The following PTCH2 variants were observed in gnomAD, a reference collection of about 807,000 sequenced individuals.
PTCH2 encodes the protein protein patched homolog 2.
Under a neutral mutation model 117.9 loss-of-function variants are expected in PTCH2, and 96 were observed. The ratio of observed to expected loss-of-function variants is 0.81; its 90% CI spans 0.69 to 0.96. PTCH2 has a LOEUF of 0.96. Among genes scored for constraint, PTCH2 ranks in the 50% least tolerant of loss-of-function variants. The pLI is 0.00. For synonymous variants in PTCH2, 615 were observed against 660.9 expected (o/e 0.93, Z 1.06); for missense variants, 1,379 against 1,562.5 (o/e 0.88, Z 1.98).
At chr1:44,827,138 C>T (rs751169220) in intron 16 of PTCH2, 29 bp downstream of exon 16, 25 of 1,613,920 alleles carry the variant, frequency 1.5e-5, no homozygotes, top group Non-Finnish European at 2.1e-5. Context: ...AGCCCCTGTA[C>T]TAGTGGACCC....
In PTCH2 at chr1:44,827,545, G is replaced by C. The variant is rs1653217251; in HGVS notation, c.2228C>G (p.Thr743Ser). 3 of 1,614,128 alleles carry C rather than the reference G, an allele frequency of 1.9e-6. No individual in the cohort carries two copies. The highest frequency in any genetic ancestry group is 2.5e-6 in the Non-Finnish European group (3 of 1,180,020). Residue 743 changes from threonine to serine, a missense_variant, in exon 15 of 22, where the codon ACC (threonine) becomes AGC (serine). Transcript: ENST00000372192. ...GTGGGCGTAGTCAAAGCCACCCTGG[G>C]TCACCAGGGCCACCTCGTACAGGGA... ...YFSLYEVALV[T>S]QGGFDYAHSQ... is the part of the protein sequence containing the mutation.
In PTCH2 at chr1:44,823,089, T is replaced by C; in HGVS notation, c.3337A>G (p.Ile1113Val). The change falls in exon 21 of 22, where the codon ATC (isoleucine) becomes GTC (valine). Residue 1113 changes from isoleucine to valine, a missense_variant. Ile to Val is a conservative substitution (Grantham distance 29, BLOSUM62 3). Coordinates refer to ENST00000372192, the MANE Select transcript of PTCH2 (RefSeq NM_003738.5). The surrounding 1 kb of genome is among the most constrained non-coding windows in gnomAD (Gnocchi z 5.1). ...GLVLLPVLLS[I>V]LGPPPEVIQM... Reference sequence around the variant, plus strand: ...GTCACCTCTGGCGGCGGGCCCAGGATGGACAGCAGCACAGGCAGCAGCACG... The same window carrying C: ...GTCACCTCTGGCGGCGGGCCCAGGACGGACAGCAGCACAGGCAGCAGCACG... 1 of 1,613,470 alleles carries C rather than the reference T, an allele frequency of 6.2e-7. No individual in the cohort carries two copies. Among genetic ancestry groups the C allele is most frequent in the East Asian group, 2.2e-5 (1 of 44,844 alleles).
At chr1:44,821,680 T>C, downstream of PTCH2, 1 of 832,566 alleles carries the variant, frequency 1.2e-6, no homozygotes, top group Non-Finnish European at 1.4e-6. Flanking sequence ...GGGTTCTTTT[T>C]TTTCTGCTCT....
intron 2 of PTCH2, among the ~76,000 whole-genome samples, chr1:44,835,386 T>C (rs1653639468): frequency 6.6e-6 from 1 of 152,170 alleles, no homozygotes; most frequent in Non-Finnish European, 1.5e-5. Flanking sequence ...AACGGGAAAA[T>C]ATAACTGGTT....
At chr1:44,825,290 C>T (rs1354848925) in intron 19 of PTCH2, among the ~76,000 whole-genome samples, 1 of 150,570 alleles carries the variant, frequency 6.6e-6, no homozygotes, top group Non-Finnish European at 1.5e-5. Flanking sequence ...GGCATGCACC[C>T]CCACACCCAG....
At chr1:44,833,122 C>A (rs1019995370) in intron 2 of PTCH2, among the ~76,000 whole-genome samples, 5 of 152,178 alleles carry the variant, frequency 3.3e-5, no homozygotes. Context: ...CGGCGCCAGG[C>A]CTGCCATAGT....
Position 44,831,705 on chromosome 1 carries a change from C to T in PTCH2, c.617+1G>A, listed in dbSNP as rs1021449669. The T allele has an allele frequency of 1.3e-5, 20 of 1,556,146 alleles. No individual in the cohort carries two copies. Among genetic ancestry groups the T allele is most frequent in the Non-Finnish European group, 1.7e-5 (19 of 1,149,456 alleles). ...AGCAGGGCCCCAGGAGTGGCACTCA[C>T]GGCAGGTAGGCGGAGCCCCCTTGGA... On this transcript the variant is annotated splice_donor_variant, in intron 5 of 21. Coordinates refer to ENST00000372192, the MANE Select transcript of PTCH2 (RefSeq NM_003738.5). LOFTEE classifies it high-confidence loss of function. This position sits in a 1 kb window ranked among gnomAD's most constrained non-coding sequence, Gnocchi z 4.3.
In PTCH2 at chr1:44,822,640, C is replaced by A. The variant is rs1652959203; in HGVS notation, c.3387G>T (p.Glu1129Asp). 1.2e-6 allele frequency: 2 copies of A among 1,613,890 alleles called. No individual in the cohort carries two copies. The highest frequency in any genetic ancestry group is 2.7e-5 in the African/African-American group (2 of 74,900). Residue 1129 changes from glutamate to aspartate, a missense_variant, in exon 22 of 22, where the codon GAG becomes GAT. Glu to Asp is a conservative substitution (Grantham distance 45, BLOSUM62 2). Transcript: ENST00000372192. Reference protein sequence around the residue: ...EVIQMYKESPEILSPPAPQGG... With the variant: ...EVIQMYKESPDILSPPAPQGG... Reference sequence around the variant, plus strand: ...CCTGTGGAGCTGGTGGACTCAGGATCTCTGGGCTTTCCTTGTACATCTGTA... The same window carrying A: ...CCTGTGGAGCTGGTGGACTCAGGATATCTGGGCTTTCCTTGTACATCTGTA...
At chr1:44,841,439 C>T (rs1051577621) in intron 2 of PTCH2, among the ~76,000 whole-genome samples, 2 of 152,162 alleles carry the variant, frequency 1.3e-5, no homozygotes, top group African/African-American at 4.8e-5. Flanking sequence ...TTTCTCCCTA[C>T]CCTATCTTAT....
At position 44,832,328 on chromosome 1, in the gene PTCH2, C is replaced by T. The variant is rs1415685518; in HGVS notation, c.279G>A (p.Val93=). 1 of 1,614,190 alleles carries T rather than the reference C, an allele frequency of 6.2e-7. No homozygotes were observed. Among genetic ancestry groups the T allele is most frequent in the Admixed American group, 1.7e-5 (1 of 60,028 alleles). ...EQLWVEVGSR[V]SQELHYTKEK... is the part of the protein sequence containing the mutation. ...CCTTGGTGTAATGCAGCTCCTGGCT[C>T]ACCCGGCTGCCCACTGCCAGAGCAA... The change falls in exon 3 of 22, where the codon GTG becomes GTA. Residue 93 remains valine (V), a synonymous_variant. Transcript: ENST00000372192.
rs1444224101 is a variant in PTCH2 at position 44,832,215 on chromosome 1, G to C, written c.392C>G (p.Ala131Gly). 1 of 1,614,192 alleles carries C rather than the reference G, an allele frequency of 6.2e-7. No individual in the cohort carries two copies. The highest frequency in any genetic ancestry group is 2.2e-5 in the East Asian group (1 of 44,878). ...QEGENILTPE[A>G]LGLHLQAALT... Reference sequence around the variant, plus strand: ...GGCTGCCTGGAGGTGGAGGCCAAGTGCTTCGGGTGTGAGGATGTTCTCTCC... The same window carrying C: ...GGCTGCCTGGAGGTGGAGGCCAAGTCCTTCGGGTGTGAGGATGTTCTCTCC... Residue 131 changes from alanine (A) to glycine (G), a missense_variant, in exon 3 of 22, where the codon GCA (alanine) becomes GGA (glycine). Physicochemically the swap from Ala to Gly is moderately conservative, Grantham distance 60 (BLOSUM62 0). Transcript: ENST00000372192.
Position 44,828,039 on chromosome 1 carries a change from G to T in PTCH2, c.1862C>A (p.Ala621Asp), listed in dbSNP as rs1408610803. ...QHVVTILPPQ[A>D]HLVPPPSDPL... ...GTCAGAAGGTGGGGGCACCAGGTGGGCTTGGGGAGGCAGGATGGTGACCAC... is the reference window on the plus strand; with the variant it reads ...GTCAGAAGGTGGGGGCACCAGGTGGTCTTGGGGAGGCAGGATGGTGACCAC... Residue 621 changes from alanine (A) to aspartate (D), a missense_variant, in exon 14 of 22, where the codon GCC (alanine) becomes GAC (aspartate). Coordinates refer to ENST00000372192, the MANE Select transcript of PTCH2 (RefSeq NM_003738.5). The T allele has an allele frequency of 1.2e-6, 2 of 1,614,206 alleles. No individual in the cohort carries two copies. Among genetic ancestry groups the T allele is most frequent in the Non-Finnish European group, 1.7e-6 (2 of 1,180,034 alleles).
rs2148880309 is a variant in PTCH2 at position 44,832,232 on chromosome 1, G to A, written c.375C>T (p.Asn125=). The change falls in exon 3 of 22, where the codon AAC becomes AAT. Residue 125 remains asparagine, a synonymous_variant. Transcript: ENST00000372192. ...LIQTARQEGE[N]ILTPEALGLH... Reference sequence around the variant, plus strand: ...GGCCAAGTGCTTCGGGTGTGAGGATGTTCTCTCCCTCCTGGCGTGCGGTCT... The same window carrying A: ...GGCCAAGTGCTTCGGGTGTGAGGATATTCTCTCCCTCCTGGCGTGCGGTCT... The A allele has an allele frequency of 6.2e-7, 1 of 1,614,204 alleles. No individual in the cohort carries two copies. The highest frequency in any genetic ancestry group is 8.5e-7 in the Non-Finnish European group (1 of 1,180,042).
chr1:44,822,996 G>A, intron 21 of PTCH2, 73 bp downstream of exon 21: 2 of 1,511,402 alleles, frequency 1.3e-6, no homozygotes, highest in Non-Finnish European at 1.8e-6. Context: ...ACAGGGCTCT[G>A]TCCCTTCCCT....
At position 44,827,920 on chromosome 1, in the gene PTCH2, G is replaced by C; in HGVS notation, c.1981C>G (p.Leu661Val). Residue 661 changes from leucine (L) to valine (V), a missense_variant, in exon 14 of 22, where the codon CTG becomes GTG. By Grantham distance (32) the Leu-to-Val change is conservative. Transcript: ENST00000372192. ...ETRQKAACKS[L>V]PCARWNLAHF... is the part of the protein sequence containing the mutation. ...GCAAGATTCCAGCGGGCACAGGGCA[G>C]GGACTTGCAGGCTGCCTTCTGCCTT... 2 of 1,614,192 alleles carry C rather than the reference G, an allele frequency of 1.2e-6. No homozygotes were observed. Among genetic ancestry groups the C allele is most frequent in the South Asian group, 2.2e-5 (2 of 91,088 alleles).
At position 44,822,516 on chromosome 1, in the gene PTCH2, C is replaced by G. The variant is rs2148871084; in HGVS notation, c.3511G>C (p.Gly1171Arg). 1 of 1,613,932 alleles carries G rather than the reference C, an allele frequency of 6.2e-7. No individual in the cohort carries two copies. The highest frequency in any genetic ancestry group is 8.5e-7 in the Non-Finnish European group (1 of 1,179,922). The change falls in exon 22 of 22, where the codon GGT (glycine) becomes CGT (arginine). Residue 1171 changes from glycine (G) to arginine (R), a missense_variant. Coordinates refer to ENST00000372192, the MANE Select transcript of PTCH2 (RefSeq NM_003738.5). ...TCAGGGGCTGGATGGATGTAGGCAC[C>G]AGGCAGGGGGGGTGGGTGGATGGCC... ...TVAIHPPPLP[G>R]AYIHPAPDEP...
chr1:44,821,820 C>T (rs1398700870), downstream of PTCH2: 2 of 1,361,046 alleles, frequency 1.5e-6, no homozygotes, highest in South Asian at 1.2e-5. Context: ...TCTTTTCCAC[C>T]CAGAACTAGA....
At chr1:44,822,709 T>C (rs1049096407) in intron 21 of PTCH2, 40 bp from the exon 22 acceptor site, 2 of 1,596,664 alleles carry the variant, frequency 1.3e-6, no homozygotes, top group Non-Finnish European at 1.7e-6. Context: ...CACGGGCCCC[T>C]GGGGCTCCCG....
downstream of PTCH2, chr1:44,820,368 A>G (rs1167848215): frequency 1.8e-5 from 10 of 564,424 alleles, no homozygotes; most frequent in Non-Finnish European, 3.4e-5. Flanking sequence ...TGTTCGTCCC[A>G]GGGGTTAAGG....
Sources: allele counts gnomAD v4.1 joint callset (sites outside exome capture counted in the v4.1 genomes callset), GRCh38; gene constraint gnomAD v4.1.1; non-coding constraint Gnocchi (gnomAD v3.1); transcripts MANE v1.5; gene names NCBI Gene and HGNC (gene_info 2026-07-23, HGNC 2026-07-21).